The following ZFHX3 variants were observed in gnomAD, a reference collection of about 807,000 sequenced individuals.
The protein encoded by ZFHX3 is zinc finger homeobox protein 3.
ZFHX3 carries 42 observed loss-of-function variants against 279.1 expected under a neutral mutation model. The observed-to-expected ratio is 0.15, with a 90% CI of 0.12 to 0.19. ZFHX3 has a LOEUF of 0.19. Among genes scored for constraint, ZFHX3 ranks in the 10% least tolerant of loss-of-function variants. ZFHX3 has a pLI of 1.00. For synonymous variants in ZFHX3, 2,293 were observed against 1,957.8 expected, an observed-to-expected ratio of 1.17 and a Z score of -4.52; for missense variants, 4,981 against 4,754.0, an observed-to-expected ratio of 1.05 and a Z score of -1.40.
chr16:73,072,948 G>A (rs1295781728), intron 8 of ZFHX3, among the ~76,000 whole-genome samples: 1 of 151,692 alleles, frequency 6.6e-6, no homozygotes, highest in African/African-American at 2.4e-5. Context: ...CCAGACTGGA[G>A]TGCATTGGCA....
chr16:73,579,408 T>C (rs530351877), intron 2 of ZFHX3, among the ~76,000 whole-genome samples: 1 of 152,334 alleles, frequency 6.6e-6, no homozygotes, highest in East Asian at 1.9e-4. Context: ...CTTTCTAAAT[T>C]GATTGAGACC....
intron 2 of ZFHX3, among the ~76,000 whole-genome samples, chr16:73,622,943 G>C (rs898944746): frequency 3.9e-5 from 6 of 152,216 alleles, no homozygotes; most frequent in Non-Finnish European, 8.8e-5. Flanking sequence ...CCTAGTACCT[G>C]GGGGTGATCT....
chr16:73,562,391 C>T (rs554093799), intron 2 of ZFHX3, among the ~76,000 whole-genome samples: 24 of 152,086 alleles, frequency 1.6e-4, no homozygotes, highest in Non-Finnish European at 2.6e-4. Flanking sequence ...GTCAGGAGAT[C>T]GAGACCATCC....
chr16:73,295,470 C>T (rs765406716), intron 4 of ZFHX3, among the ~76,000 whole-genome samples: 53 of 152,216 alleles, frequency 3.5e-4, no homozygotes, highest in Non-Finnish European at 6.5e-4. Context: ...ATTTGTTAAA[C>T]ATTTCTCATT....
At chr16:73,335,031 G>A (rs1355498524) in intron 3 of ZFHX3, among the ~76,000 whole-genome samples, 2 of 151,934 alleles carry the variant, frequency 1.3e-5, no homozygotes, top group South Asian at 2.1e-4. Flanking sequence ...ATTAGCAAAT[G>A]TAGAACCAAT....
chr16:73,348,386 G>T (rs112589309), intron 3 of ZFHX3, among the ~76,000 whole-genome samples: 11 of 152,080 alleles, frequency 7.2e-5, no homozygotes, highest in African/African-American at 2.4e-4. Context: ...TCACCTTTGG[G>T]GTGGGTCATT....
rs1597020540 is a variant in ZFHX3 at position 72,960,214 on chromosome 16, G to C, written c.-49-20C>G. 4.7e-6 allele frequency: 7 copies of C among 1,481,080 alleles called. No homozygotes were observed. Among genetic ancestry groups the C allele is most frequent in the Middle Eastern group, 1.9e-4 (1 of 5,306 alleles). 91.7% of individuals were successfully genotyped at this position (1,481,080 alleles called of 1,614,324 possible). On this transcript the variant is annotated intron_variant, in intron 1 of 9. Transcript: ENST00000268489. ...TCGGACCTGAAGGGCAGAGGCAAGG[G>C]GGGAGGAGGGAGAGAGGGGAAAGAG...
chr16:73,325,914 C>CACACACACAA (rs2015673416), intron 3 of ZFHX3, among the ~76,000 whole-genome samples: 1 of 113,980 alleles, frequency 8.8e-6, no homozygotes, highest in African/African-American at 3.4e-5. Flanking sequence ...CACACACACA[C>CACACACACAA]ACACACACAC....
At chr16:72,829,740 C>G (rs2037020075) in intron 5 of ZFHX3, 39 bp downstream of exon 5, 1 of 1,600,216 alleles carries the variant, frequency 6.2e-7, no homozygotes, top group Non-Finnish European at 8.6e-7. Flanking sequence ...CAAGGACAGC[C>G]ACACACACTA....
chr16:73,005,551 T>G (rs1232204699), intron 1 of ZFHX3: 1 of 152,280 alleles, frequency 6.6e-6, no homozygotes, highest in Non-Finnish European at 1.5e-5. Flanking sequence ...CCCAGCACTT[T>G]GGGAGGCCGA....
At chr16:73,476,765 A>G (rs1163466977) in intron 2 of ZFHX3, among the ~76,000 whole-genome samples, 1 of 152,202 alleles carries the variant, frequency 6.6e-6, no homozygotes, top group Non-Finnish European at 1.5e-5. Flanking sequence ...TAGTAACTTC[A>G]TTTTCAATGT....
chr16:73,664,767 T>C lies in ZFHX3; in HGVS notation c.-1547+15413A>G, dbSNP rs77400767. 1.8e-3 allele frequency among the ~76,000 whole-genome samples: 272 copies of C among 152,332 alleles called. 9 individuals carry two copies. The East Asian group carries it at 0.048, about 27-fold the overall frequency. ...CAGGACCAAAAAAGGCAGACATGTA[T>C]AAGGTGTACCAAAGAGGAAATTTTA... On this transcript the variant is annotated intron_variant, in intron 2 of 17. Transcript: ENST00000641206.
chr16:73,145,268 G>A (rs550082638), intron 5 of ZFHX3, among the ~76,000 whole-genome samples: 2 of 152,190 alleles, frequency 1.3e-5, no homozygotes, highest in East Asian at 3.9e-4. Flanking sequence ...CCAGCAGGTC[G>A]GGCCACCTCA....
At chr16:73,303,591 C>G (rs2015108154) in intron 4 of ZFHX3, among the ~76,000 whole-genome samples, 1 of 152,132 alleles carries the variant, frequency 6.6e-6, no homozygotes, top group Non-Finnish European at 1.5e-5. Flanking sequence ...AACTGGATCT[C>G]TGGGTTTGAG....
chr16:73,629,864 T>C lies in ZFHX3; in HGVS notation c.-1547+50316A>G, dbSNP rs563224141. ...GACAGGTTGCATACAAAATTCAAGG[T>C]GGTTTGAACTGATAGTCTCTTTCAA... On this transcript the variant is annotated intron_variant, in intron 2 of 17. Coordinates refer to the ZFHX3 transcript ENST00000641206. Among the ~76,000 whole-genome samples, 215 of 152,290 alleles carry C rather than the reference T, an allele frequency of 1.4e-3. 1 individual carries two copies. Among genetic ancestry groups the C allele is most frequent in the African/African-American group, 5.1e-3 (212 of 41,572 alleles).
intron 3 of ZFHX3, among the ~76,000 whole-genome samples, chr16:72,907,607 TG>T (rs2039215130): frequency 8.3e-6 from 1 of 120,464 alleles, no homozygotes; most frequent in Non-Finnish European, 1.7e-5. Context: ...GTGTGTGTGT[TG>T]TGTGTATGCA....
intron 3 of ZFHX3, among the ~76,000 whole-genome samples, chr16:72,947,756 G>A (rs986373439): frequency 5.9e-5 from 9 of 152,124 alleles, no homozygotes; most frequent in Admixed American, 2.0e-4. Context: ...TGAGAAGCCC[G>A]GTCAGCTCCC....
intron 3 of ZFHX3, among the ~76,000 whole-genome samples, chr16:72,930,892 T>A (rs539364035): frequency 6.6e-6 from 1 of 152,290 alleles, no homozygotes; most frequent in African/African-American, 2.4e-5. Flanking sequence ...GTACCCCACA[T>A]CCTGGACGTT....
chr16:72,995,786 C>T (rs1298094885), intron 1 of ZFHX3, among the ~76,000 whole-genome samples: 3 of 152,216 alleles, frequency 2.0e-5, no homozygotes, highest in Non-Finnish European at 4.4e-5. Flanking sequence ...AAGGAAAGCT[C>T]TGGGCCTGGC....
Sources: gnomAD v4.1 joint callset for allele counts (sites outside exome capture counted in the v4.1 genomes callset) on GRCh38, gnomAD v4.1.1 for gene constraint, MANE v1.5 for transcripts, NCBI Gene and HGNC (gene_info 2026-07-23, HGNC 2026-07-21) for gene names.